The following PRR16 variants were observed in gnomAD, a reference collection of about 807,000 sequenced individuals.
PRR16 encodes protein Largen.
PRR16 carries 6 observed loss-of-function variants against 18.2 expected under a neutral mutation model. That is an observed-to-expected ratio of 0.33 (90% CI 0.18 to 0.65). The LOEUF (loss-of-function observed/expected upper bound fraction) is 0.65. PRR16 is among the 30% of genes least tolerant of loss of function. PRR16 has a pLI of 0.74. For missense variants in PRR16, 412 were observed against 376.6 expected (o/e 1.09, Z -0.78); for synonymous variants, 151 against 147.8 (o/e 1.02, Z -0.16).
the PRR16 span, among the ~76,000 whole-genome samples, chr5:120,786,651 T>A: frequency 6.6e-6 from 1 of 150,812 alleles, no homozygotes. Context: ...ATTATAAAAA[T>A]TTTACCAAAA....
chr5:120,785,589 T>TTTTTTTTTTTTTTTTTTG, the PRR16 span, among the ~76,000 whole-genome samples: 2 of 144,100 alleles, frequency 1.4e-5, no homozygotes, highest in Non-Finnish European at 3.1e-5. Context: ...TTTTTTTTTT[T>TTTTTTTTTTTTTTTTTTG]TGAGACAGAG....
chr5:120,597,353 G>A (rs887997127), intron 1 of PRR16, among the ~76,000 whole-genome samples: 2 of 150,904 alleles, frequency 1.3e-5, no homozygotes, highest in Non-Finnish European at 3.0e-5. Flanking sequence ...TGTATTCCAG[G>A]GTTATAAAAC....
intron 1 of PRR16, among the ~76,000 whole-genome samples, chr5:120,540,671 A>G (rs113795473): frequency 0.035 from 5,250 of 152,162 alleles, 114 homozygotes; most frequent in South Asian, 0.05. Context: ...GTGTTCCATT[A>G]TTGGAACGCT....
At chr5:120,715,657 C>T in the PRR16 span, among the ~76,000 whole-genome samples, 1 of 152,084 alleles carries the variant, frequency 6.6e-6, no homozygotes, top group African/African-American at 2.4e-5. Flanking sequence ...CATGTTAAAA[C>T]AAAGCAAGTA....
chr5:120,517,066 A>T (rs903501861), intron 1 of PRR16, among the ~76,000 whole-genome samples: 1 of 152,206 alleles, frequency 6.6e-6, no homozygotes, highest in African/African-American at 2.4e-5. Context: ...CCTGAGTCAG[A>T]GTAAAAAATT....
At chr5:120,612,320 G>T (rs1285987088) in intron 1 of PRR16, among the ~76,000 whole-genome samples, 4 of 152,148 alleles carry the variant, frequency 2.6e-5, no homozygotes, top group Non-Finnish European at 4.4e-5. Context: ...TGTTGGGAAG[G>T]CATGATTGGT....
the PRR16 span, among the ~76,000 whole-genome samples, chr5:120,777,213 A>G: frequency 1.3e-5 from 2 of 152,244 alleles, no homozygotes; most frequent in East Asian, 3.9e-4. Context: ...AATGAAAATA[A>G]CCAAATGAGT....
chr5:120,655,742 T>TC (rs1755951623), intron 1 of PRR16, among the ~76,000 whole-genome samples: 1 of 151,356 alleles, frequency 6.6e-6, no homozygotes, highest in Non-Finnish European at 1.5e-5. Context: ...TTTTTGTTTT[T>TC]TTTTTTCTGA....
intron 1 of PRR16, among the ~76,000 whole-genome samples, chr5:120,623,131 A>G (rs886837748): frequency 1.3e-5 from 2 of 152,168 alleles, no homozygotes; most frequent in Non-Finnish European, 2.9e-5. Flanking sequence ...TACTACAGTT[A>G]TTTTAGGATA....
chr5:120,481,783 A>G (rs1749625783), intron 1 of PRR16, among the ~76,000 whole-genome samples: 4 of 152,280 alleles, frequency 2.6e-5, no homozygotes, highest in Middle Eastern at 3.4e-3. Flanking sequence ...TTTTTGTGAA[A>G]TTTGTTTCAA....
At chr5:120,507,655 G>A (rs1272574646) in intron 1 of PRR16, among the ~76,000 whole-genome samples, 1 of 151,862 alleles carries the variant, frequency 6.6e-6, no homozygotes, top group African/African-American at 2.4e-5. Context: ...GTTTCATTTT[G>A]CTTTGTTTTA....
chr5:120,699,267 G>T, the PRR16 span, among the ~76,000 whole-genome samples: 1 of 152,184 alleles, frequency 6.6e-6, no homozygotes, highest in East Asian at 1.9e-4. Flanking sequence ...TAAGAGGCGG[G>T]CTAGTGGCTT....
chr5:120,636,700 A>G (rs1755238874), intron 1 of PRR16, among the ~76,000 whole-genome samples: 1 of 152,154 alleles, frequency 6.6e-6, no homozygotes. Context: ...CATTGGGAAA[A>G]CCTTTCTAGT....
At chr5:120,620,382 T>C (rs1474395250) in intron 1 of PRR16, among the ~76,000 whole-genome samples, 1 of 152,152 alleles carries the variant, frequency 6.6e-6, no homozygotes, top group Non-Finnish European at 1.5e-5. Flanking sequence ...ATTGATGACC[T>C]GCAGGAAAAT....
At chr5:120,718,281 G>A in the PRR16 span, among the ~76,000 whole-genome samples, 1 of 152,036 alleles carries the variant, frequency 6.6e-6, no homozygotes, top group Non-Finnish European at 1.5e-5. Flanking sequence ...CTGACTTCAC[G>A]TATCAGAAAA....
At chr5:120,662,141 G>A (rs1756194347) in intron 1 of PRR16, among the ~76,000 whole-genome samples, 1 of 151,990 alleles carries the variant, frequency 6.6e-6, no homozygotes, top group Non-Finnish European at 1.5e-5. Context: ...AAAATAATTG[G>A]CCTTTCAGAT....
chr5:120,504,408 C>A (rs1174988891), intron 1 of PRR16, among the ~76,000 whole-genome samples: 3 of 152,172 alleles, frequency 2.0e-5, no homozygotes, highest in African/African-American at 7.2e-5. Context: ...CCAAGTGTTT[C>A]TTAAACATGG....
chr5:120,733,791 C>G, the PRR16 span, among the ~76,000 whole-genome samples: 2 of 151,990 alleles, frequency 1.3e-5, no homozygotes, highest in African/African-American at 4.8e-5. Context: ...AATTTTTTAT[C>G]AATTGTTTTC....
At chr5:120,783,682 C>G in the PRR16 span, among the ~76,000 whole-genome samples, 1 of 152,082 alleles carries the variant, frequency 6.6e-6, no homozygotes, top group East Asian at 1.9e-4. Context: ...TATCTGGACA[C>G]CCATCACCTA....
Sources: allele counts gnomAD v4.1 joint callset (sites outside exome capture counted in the v4.1 genomes callset), GRCh38; gene constraint gnomAD v4.1.1; transcripts MANE v1.5; gene names NCBI Gene and HGNC (gene_info 2026-07-23, HGNC 2026-07-21).